Variants in SPAG16 observed in about 807,000 individuals in gnomAD.
SPAG16 encodes sperm associated antigen 16.
SPAG16 carries 86 observed loss-of-function variants against 80.4 expected under a neutral mutation model. The ratio of observed to expected loss-of-function variants is 1.07; its 90% confidence interval spans 0.90 to 1.28. SPAG16 has a LOEUF of 1.28. Among genes scored for constraint, SPAG16 ranks in the 50% most tolerant of loss-of-function variants. The probability of loss-of-function intolerance (pLI) is 0.00; values close to 1 mark genes in which losing one functional copy is unlikely to be tolerated. For missense variants in SPAG16, 870 were observed against 765.3 expected (o/e 1.14, Z -1.61); for synonymous variants, 294 against 265.9 (o/e 1.11, Z -1.03).
rs1225547627 is a variant in SPAG16 at position 213,778,833 on chromosome 2, AT to A, written c.1071-83645del. Among the ~76,000 whole-genome samples the A allele has an allele frequency of 7.9e-5, 12 of 152,092 alleles. No individual in the cohort carries two copies. The East Asian group carries it at 1.4e-3, about 17-fold the overall frequency. ...GAAAGCCTTGAGTTAATATTAATGA[AT>A]TTTTTTCAGTTCCATGTCTGCAGTG... On this transcript the variant is annotated intron_variant, in intron 10 of 15. Transcript: ENST00000331683.
At chr2:213,336,559 G>A (rs368571374) in intron 5 of SPAG16, among the ~76,000 whole-genome samples, 2 of 152,352 alleles carry the variant, frequency 1.3e-5, no homozygotes, top group East Asian at 1.9e-4. Context: ...GTAGGTGCCA[G>A]TGAGACTGGG....
intron 10 of SPAG16, among the ~76,000 whole-genome samples, chr2:213,739,479 T>A (rs1264355796): frequency 6.6e-6 from 1 of 152,254 alleles, no homozygotes; most frequent in Non-Finnish European, 1.5e-5. Flanking sequence ...TATCATGAAT[T>A]CTTTAAAAAT....
At chr2:213,492,727 T>A (rs2074319275) in intron 10 of SPAG16, among the ~76,000 whole-genome samples, 1 of 149,206 alleles carries the variant, frequency 6.7e-6, no homozygotes, top group Admixed American at 6.7e-5. Context: ...ATTTTTAAAA[T>A]TTATTTTTGT....
chr2:214,204,283 T>C (rs2058086249), intron 15 of SPAG16, among the ~76,000 whole-genome samples: 1 of 152,162 alleles, frequency 6.6e-6, no homozygotes, highest in African/African-American at 2.4e-5. Flanking sequence ...TTTTGGGAGC[T>C]CTATGGCCCT....
At chr2:213,310,269 G>C (rs530267214) in intron 4 of SPAG16, 92 bp downstream of exon 4, 8 of 803,552 alleles carry the variant, frequency 1.0e-5, no homozygotes, top group Non-Finnish European at 1.5e-5. Context: ...AAATGACTCA[G>C]CCTATGAAAA....
At chr2:214,128,613 T>C (rs1469344758) in intron 14 of SPAG16, among the ~76,000 whole-genome samples, 1 of 151,908 alleles carries the variant, frequency 6.6e-6, no homozygotes, top group Non-Finnish European at 1.5e-5. Context: ...TTTATTCCTG[T>C]CTTCTTATCT....
intron 8 of SPAG16, among the ~76,000 whole-genome samples, chr2:213,372,257 T>A (rs1490306062): frequency 6.6e-6 from 1 of 152,100 alleles, no homozygotes; most frequent in Non-Finnish European, 1.5e-5. Context: ...AACCAGATCA[T>A]AATGATACAT....
chr2:214,269,762 A>G (rs1411183948), intron 15 of SPAG16, among the ~76,000 whole-genome samples: 2 of 152,092 alleles, frequency 1.3e-5, no homozygotes, highest in Non-Finnish European at 2.9e-5. Flanking sequence ...TTCAGGAGAA[A>G]ATAATTGCAA....
intron 15 of SPAG16, among the ~76,000 whole-genome samples, chr2:214,308,394 G>T (rs1695068642): frequency 6.6e-6 from 1 of 152,102 alleles, no homozygotes; most frequent in Non-Finnish European, 1.5e-5. Flanking sequence ...TACATTTAAG[G>T]TTAGTATTGG....
chr2:214,130,285 G>A (rs1465523671), intron 14 of SPAG16, among the ~76,000 whole-genome samples: 1 of 152,158 alleles, frequency 6.6e-6, no homozygotes, highest in Non-Finnish European at 1.5e-5. Context: ...ATCACAGAAA[G>A]GGAGGTTTTG....
At chr2:213,676,094 T>G (rs922812079) in intron 10 of SPAG16, among the ~76,000 whole-genome samples, 45 of 152,100 alleles carry the variant, frequency 3.0e-4, no homozygotes, top group African/African-American at 9.9e-4. Context: ...CTTGAAGAGG[T>G]CCTTCACGTC....
intron 9 of SPAG16, among the ~76,000 whole-genome samples, chr2:213,430,676 A>C (rs2070236104): frequency 6.6e-6 from 1 of 152,176 alleles, no homozygotes; most frequent in South Asian, 2.1e-4. Context: ...TAATTGATGA[A>C]AACTTCACTA....
At chr2:213,346,983 TG>T (rs1477892893) in intron 6 of SPAG16, among the ~76,000 whole-genome samples, 10 of 152,244 alleles carry the variant, frequency 6.6e-5, no homozygotes, top group Admixed American at 2.0e-4. Flanking sequence ...CTTGTACCTC[TG>T]GTAGAATTCG....
rs2073827150 is a variant in SPAG16, at chr2:213,833,477, A to ATATATATATTATATATAATATATATAT, written c.1071-28999_1071-28973dup. Among the ~76,000 whole-genome samples, 9 of 2,994 alleles carry ATATATATATTATATATAATATATATAT rather than the reference A, an allele frequency of 3.0e-3. 2 individuals carry two copies. The highest frequency in any genetic ancestry group is 4.8e-3 in the Non-Finnish European group (5 of 1,034). 2.0% of individuals were successfully genotyped at this position (2,994 alleles called of 152,430 possible). A position where few individuals can be genotyped will look rare whatever the true frequency, so the allele number is the denominator to read the frequency against. ...TATTATATATATATTATATATAATA[A>ATATATATATTATATATAATATATATAT]TATATATATTATATATAATATATAT... On this transcript the variant is annotated intron_variant, in intron 10 of 15. Transcript: ENST00000331683.
intron 10 of SPAG16, among the ~76,000 whole-genome samples, chr2:213,746,906 T>A (rs1437313352): frequency 6.6e-6 from 1 of 152,258 alleles, no homozygotes; most frequent in Non-Finnish European, 1.5e-5. Context: ...ATGTATTTAC[T>A]GTACTTTTTA....
intron 10 of SPAG16, among the ~76,000 whole-genome samples, chr2:213,563,748 T>C (rs2059668802): frequency 6.6e-6 from 1 of 152,252 alleles, no homozygotes; most frequent in African/African-American, 2.4e-5. Flanking sequence ...GTCTTTGTTT[T>C]TCTCGTTTCT....
intron 10 of SPAG16, among the ~76,000 whole-genome samples, chr2:213,630,433 G>C (rs1344918219): frequency 6.6e-6 from 1 of 151,796 alleles, no homozygotes; most frequent in East Asian, 1.9e-4. Context: ...CTGATATTGA[G>C]GGCATAAGTT....
chr2:213,472,409 T>C (rs1028425488), intron 9 of SPAG16, among the ~76,000 whole-genome samples: 4 of 152,190 alleles, frequency 2.6e-5, no homozygotes, highest in Non-Finnish European at 5.9e-5. Flanking sequence ...CCAAGATCTA[T>C]CTGTCTTCTG....
At chr2:213,703,706 T>C (rs1329095680) in intron 10 of SPAG16, among the ~76,000 whole-genome samples, 2 of 152,158 alleles carry the variant, frequency 1.3e-5, no homozygotes, top group African/African-American at 4.8e-5. Flanking sequence ...GAGGTCATGC[T>C]CTCCTCAGAG....
Sources: allele counts gnomAD v4.1 joint callset (sites outside exome capture counted in the v4.1 genomes callset), GRCh38; gene constraint gnomAD v4.1.1; transcripts MANE v1.5; gene names NCBI Gene and HGNC (gene_info 2026-07-23, HGNC 2026-07-21).